Variants in SLC35B2 observed in about 807,000 individuals in gnomAD.
SLC35B2 encodes solute carrier family 35 member B2.
SLC35B2 carries 19 observed loss-of-function variants against 37.9 expected under a neutral mutation model. The ratio of observed to expected loss-of-function variants is 0.50; its 90% CI spans 0.35 to 0.74. The LOEUF (loss-of-function observed/expected upper bound fraction) is 0.74. SLC35B2 is among the 30% of genes least tolerant of loss of function. The probability of loss-of-function intolerance (pLI) is 0.01; values close to 1 mark genes in which losing one functional copy is unlikely to be tolerated. For missense variants in SLC35B2, 633 were observed against 547.6 expected, an observed-to-expected ratio of 1.16 and a Z score of -1.56; for synonymous variants, 277 against 225.2, an observed-to-expected ratio of 1.23 and a Z score of -2.06.
intron 1 of SLC35B2, 45 bp from the exon 2 acceptor site, chr6:44,256,923 C>T: frequency 6.4e-7 from 1 of 1,554,392 alleles, no homozygotes; most frequent in Non-Finnish European, 8.7e-7. Context: ...GCTCCTCATC[C>T]CCTCCGCCCT....
At position 44,255,099 on chromosome 6, in the gene SLC35B2, C is replaced by T. The variant is rs1262564515; in HGVS notation, c.906G>A (p.Met302Ile). ...AGGAGAAGAAATTGACCCCAAACAT[C>T]ATCTGCACCGATGACATCTTATAGG... ...LFAYKMSSVQMMFGVNFFSCL... is the reference protein window; with the variant it reads ...LFAYKMSSVQIMFGVNFFSCL... Residue 302 changes from methionine to isoleucine, a missense_variant, in exon 4 of 4, where the codon ATG becomes ATA. Met to Ile is a conservative substitution (Grantham distance 10, BLOSUM62 1). Transcript: ENST00000393812. 7 of 1,614,222 alleles carry T rather than the reference C, an allele frequency of 4.3e-6. No homozygotes were observed. Among genetic ancestry groups the T allele is most frequent in the South Asian group, 1.1e-5 (1 of 91,082 alleles).
rs755866604 is a variant in SLC35B2 at position 44,256,731 on chromosome 6, G to A, written c.159C>T (p.Gly53=). 33 of 1,614,050 alleles carry A rather than the reference G, an allele frequency of 2.0e-5. No homozygotes were observed. In the East Asian group the frequency reaches 7.4e-4, roughly 36 times the overall value. Residue 53 remains glycine (G), a synonymous_variant, in exon 2 of 4, where the codon GGC becomes GGT. Transcript: ENST00000393812. ...GCCTGAAGTACTGCACCAGGAGGTA[G>A]CCAGGTACCATAAAGCTGGCATAGC... ...AAGYASFMVP[G]YLLVQYFRRK...
At position 44,255,498 on chromosome 6, in the gene SLC35B2, G is replaced by C. The variant is rs771746648; in HGVS notation, c.507C>G (p.Leu169=). The change falls in exon 4 of 4, where the codon CTC becomes CTG. Residue 169 remains leucine, a synonymous_variant. Transcript: ENST00000393812. ...GGGGCTGCTTGCAGAGAACACAGGAGAGGCCAGCCACAATCAGTGCCAGCA... is the reference window on the plus strand; with the variant it reads ...GGGGCTGCTTGCAGAGAACACAGGACAGGCCAGCCACAATCAGTGCCAGCA... The part of the protein sequence containing the change: ...NRVLALIVAG[L]SCVLCKQPRH... 2 of 1,614,208 alleles carry C rather than the reference G, an allele frequency of 1.2e-6. No individual in the cohort carries two copies. Among genetic ancestry groups the C allele is most frequent in the Non-Finnish European group, 1.7e-6 (2 of 1,180,026 alleles).
In SLC35B2 at chr6:44,254,880, C is replaced by G; in HGVS notation, c.1125G>C (p.Gln375His). The stretch of plus-strand genomic sequence containing the variant: ...GGCAGGAAAGAAGGATGGCAAAGGC[C>G]TGGCGGAGGGTCATGATGATGGTGA... Reference protein sequence around the residue: ...AVFTIIMTLRQAFAILLSCLL... With the variant: ...AVFTIIMTLRHAFAILLSCLL... The change falls in exon 4 of 4, where the codon CAG (glutamine) becomes CAC (histidine). Residue 375 changes from glutamine (Q) to histidine (H), a missense_variant. Gln to His is a conservative substitution (Grantham distance 24). Transcript: ENST00000393812. 6.2e-7 allele frequency: 1 copy of G among 1,614,190 alleles called. No individual in the cohort carries two copies. Among genetic ancestry groups the G allele is most frequent in the African/African-American group, 1.3e-5 (1 of 75,046 alleles).
At chr6:44,257,120 T>A (rs1349990575) in intron 1 of SLC35B2, 1 of 562,926 alleles carries the variant, frequency 1.8e-6, no homozygotes, top group Non-Finnish European at 3.0e-6. Context: ...AGGTCTCCTC[T>A]GTTCCCTCCA....
chr6:44,256,960 C>T, intron 1 of SLC35B2, 82 bp from the exon 2 acceptor site: 1 of 1,378,488 alleles, frequency 7.3e-7, no homozygotes, highest in Non-Finnish European at 9.7e-7. Context: ...TGGAGTAGTG[C>T]CCGGAGTCTC....
rs1781128332 is a variant in SLC35B2 at position 44,254,355 on chromosome 6, G to A, written c.*351C>T. The A allele has an allele frequency of 3.9e-6, 1 of 256,388 alleles. No individual in the cohort carries two copies. Among genetic ancestry groups the A allele is most frequent in the East Asian group, 8.7e-5 (1 of 11,524 alleles). 15.9% of individuals were successfully genotyped at this position (256,388 alleles called of 1,614,324 possible). A position where few individuals can be genotyped will look rare whatever the true frequency, so the allele number is the denominator to read the frequency against. ...GGTAAGAAATGCAGGTATTTGCAGA[G>A]GGGAGTGAGTCTGGAAGGTGGCAGA... On this transcript the variant is annotated 3_prime_UTR_variant, in exon 4 of 4. Transcript: ENST00000393812.
At chr6:44,257,288 T>C (rs915879679) in intron 1 of SLC35B2, 112 bp downstream of exon 1, 5 of 1,202,466 alleles carry the variant, frequency 4.2e-6, no homozygotes, top group Non-Finnish European at 5.3e-6. Flanking sequence ...GGCAGCGATA[T>C]GCTGGCCGAC....
chr6:44,256,893 G>A lies in SLC35B2; in HGVS notation c.12-15C>T, dbSNP rs1399619205. 1 of 1,597,508 alleles carries A rather than the reference G, an allele frequency of 6.3e-7. No individual in the cohort carries two copies. The highest frequency in any genetic ancestry group is 1.1e-5 in the South Asian group (1 of 90,220). On this transcript the variant is annotated splice_polypyrimidine_tract_variant and intron_variant, in intron 1 of 3. Transcript: ENST00000393812. ...CTGCCCACCATCTGTAAGGAAAGCG[G>A]ACATAAGGATTAGGGCGCAGCTCCT... is the stretch of plus-strand genomic sequence containing the variant.
chr6:44,255,738 T>C (rs898204932), intron 3 of SLC35B2, 94 bp from the exon 4 acceptor site: 2 of 1,201,738 alleles, frequency 1.7e-6, no homozygotes, highest in Middle Eastern at 2.0e-4. Flanking sequence ...TATGCCTAAG[T>C]GATTCAAAGG....
In SLC35B2 at chr6:44,257,413, T is replaced by C; in HGVS notation, c.-3A>G. ...CCTAGCCCCCACCTGGCGTCCATGG[T>C]CCAGGCCGCGTGGGGTGGAGGGGGA... On this transcript the variant is annotated 5_prime_UTR_variant, in exon 1 of 4. Transcript: ENST00000393812. 7.9e-7 allele frequency: 1 copy of C among 1,266,486 alleles called. No homozygotes were observed. Among genetic ancestry groups the C allele is most frequent in the Non-Finnish European group, 1.0e-6 (1 of 998,704 alleles). The allele number at this position is 1,266,486 out of a possible 1,614,324, so 78.5% of individuals were successfully genotyped here.
chr6:44,255,368 C>G lies in SLC35B2; in HGVS notation c.637G>C (p.Val213Leu). 6.2e-7 allele frequency: 1 copy of G among 1,614,232 alleles called. No homozygotes were observed. The highest frequency in any genetic ancestry group is 8.5e-7 in the Non-Finnish European group (1 of 1,180,034). The change falls in exon 4 of 4, where the codon GTG becomes CTG. Residue 213 changes from valine (V) to leucine (L), a missense_variant. Coordinates refer to ENST00000393812, the MANE Select transcript of SLC35B2 (RefSeq NM_178148.4). ...ATCACCTTAGAGGCCTTGGCCAGCA[C>G]CTGGGTGGGGAAGCTGACGAACTTA... is the stretch of plus-strand genomic sequence containing the variant. ...ALKFVSFPTQ[V>L]LAKASKVIPV...
rs1034851610 is a variant in SLC35B2, at chr6:44,257,421, G to A, written c.-11C>T. ...CCACCTGGCGTCCATGGTCCAGGCC[G>A]CGTGGGGTGGAGGGGGAACCGGGGA... On this transcript the variant is annotated 5_prime_UTR_variant, in exon 1 of 4. Transcript: ENST00000393812. 14 of 1,262,532 alleles carry A rather than the reference G, an allele frequency of 1.1e-5. No individual in the cohort carries two copies. The Middle Eastern group carries it at 1.2e-3, about 111-fold the overall frequency. The allele number at this position is 1,262,532 out of a possible 1,614,324, so 78.2% of individuals were successfully genotyped here.
chr6:44,256,076 T>C (rs1381971634), intron 3 of SLC35B2, among the ~76,000 whole-genome samples: 1 of 135,592 alleles, frequency 7.4e-6, no homozygotes, highest in Non-Finnish European at 1.6e-5. Flanking sequence ...TCACAGAGAA[T>C]AGGGCAAGAG....
At chr6:44,257,342 G>C in intron 1 of SLC35B2, 58 bp downstream of exon 1, 1 of 1,324,454 alleles carries the variant, frequency 7.6e-7, no homozygotes, top group Non-Finnish European at 9.7e-7. Context: ...GCTGAGGCGC[G>C]GCAGTCACGT....
chr6:44,256,280 T>G, intron 3 of SLC35B2, 62 bp downstream of exon 3: 1 of 1,557,858 alleles, frequency 6.4e-7, no homozygotes, highest in Non-Finnish European at 8.7e-7. Context: ...AATGGAAACC[T>G]TCACAGAATC....
chr6:44,256,972 T>C (rs1239478474), intron 1 of SLC35B2, 94 bp from the exon 2 acceptor site: 1 of 1,282,076 alleles, frequency 7.8e-7, no homozygotes, highest in South Asian at 1.6e-5. Flanking sequence ...CGGAGTCTCC[T>C]CCCCGCCCCC....
chr6:44,257,597 C>T, upstream of SLC35B2: 1 of 360,960 alleles, frequency 2.8e-6, no homozygotes, highest in Non-Finnish European at 4.1e-6. Flanking sequence ...GCGCCCCGGG[C>T]CGCCGCCGGA....
At position 44,254,791 on chromosome 6, in the gene SLC35B2, A is replaced by G. The variant is rs755198190; in HGVS notation, c.1214T>C (p.Leu405Pro). ...GLGVAVVFAALLLRVYARGRL... is the reference protein window; with the variant it reads ...GLGVAVVFAAPLLRVYARGRL... ...GCCCCGCGCGTAGACTCTGAGCAGG[A>G]GGGCAGCAAAGACCACAGCCACCCC... Residue 405 changes from leucine (L) to proline (P), a missense_variant, in exon 4 of 4, where the codon CTC becomes CCC. Transcript: ENST00000393812. 1 of 1,614,152 alleles carries G rather than the reference A, an allele frequency of 6.2e-7. No individual in the cohort carries two copies. The highest frequency in any genetic ancestry group is 8.5e-7 in the Non-Finnish European group (1 of 1,180,038).
Sources: gnomAD v4.1 joint callset for allele counts (sites outside exome capture counted in the v4.1 genomes callset) on GRCh38, gnomAD v4.1.1 for gene constraint, MANE v1.5 for transcripts, NCBI Gene and HGNC (gene_info 2026-07-23, HGNC 2026-07-21) for gene names.